The following WDR62 variants were observed in gnomAD, a reference collection of about 807,000 sequenced individuals.
WDR62 encodes WD repeat-containing protein 62.
Under a neutral mutation model 160.6 loss-of-function variants are expected in WDR62, and 112 were observed. That is an observed-to-expected ratio of 0.70 (90% CI 0.60 to 0.82). WDR62 has a LOEUF of 0.82. Ranked by LOEUF, WDR62 falls within the 40% of genes least tolerant of loss-of-function variation. The probability of loss-of-function intolerance (pLI) is 0.00; values close to 1 mark genes in which losing one functional copy is unlikely to be tolerated. For missense variants in WDR62, 1,819 were observed against 1,983.8 expected (o/e 0.92, Z 1.58); for synonymous variants, 792 against 815.1 (o/e 0.97, Z 0.48).
chr19:36,092,607 G>C, intron 18 of WDR62, 82 bp from the exon 19 acceptor site: 1 of 1,581,796 alleles, frequency 6.3e-7, no homozygotes, highest in Non-Finnish European at 8.7e-7. Context: ...GCTGTGGTGT[G>C]GGTGGCTTCA....
rs2145528248 is a variant in WDR62 at position 36,059,987 on chromosome 19, G to A, written c.289G>A (p.Asp97Asn). 6.2e-7 allele frequency: 1 copy of A among 1,614,152 alleles called. No homozygotes were observed. Among genetic ancestry groups the A allele is most frequent in the East Asian group, 2.2e-5 (1 of 44,878 alleles). ...TCCCAGCTGTGTGGTGGTGATTTTG[G>A]ACCCCAAGGAGAACAAGCAGCAGCA... ...YLAGCVVVIL[D>N]PKENKQQHIF... The change falls in exon 3 of 32, where the codon GAC (aspartate) becomes AAC (asparagine). Residue 97 changes from aspartate (D) to asparagine (N), a missense_variant. Physicochemically the swap from Asp to Asn is conservative, Grantham distance 23. Transcript: ENST00000401500.
chr19:36,106,531 T>C (rs1045775420), downstream of WDR62, among the ~76,000 whole-genome samples: 1 of 152,120 alleles, frequency 6.6e-6, no homozygotes. Flanking sequence ...GGGAGATCCA[T>C]TGCTGGTGAA....
chr19:36,080,079 C>T (rs1202946724), intron 9 of WDR62, among the ~76,000 whole-genome samples: 1 of 151,846 alleles, frequency 6.6e-6, no homozygotes, highest in African/African-American at 2.4e-5. Flanking sequence ...TCAGTTATAT[C>T]TAATCTTTGG....
chr19:36,072,129 A>C (rs1301363331), intron 8 of WDR62, among the ~76,000 whole-genome samples: 1 of 152,178 alleles, frequency 6.6e-6, no homozygotes, highest in African/African-American at 2.4e-5. Context: ...CAGTATAGCA[A>C]GGGGGCTCGA....
At chr19:36,099,272 T>C (rs1452951053) in intron 21 of WDR62, 127 bp from the exon 22 acceptor site, 8 of 713,394 alleles carry the variant, frequency 1.1e-5, no homozygotes, top group Non-Finnish European at 1.7e-5. Context: ...TGGAGATATG[T>C]ACCTGGAAGT....
At position 36,089,111 on chromosome 19, in the gene WDR62, G is replaced by T. The variant is rs1972431255; in HGVS notation, c.1836+6G>T. 3 of 1,614,084 alleles carry T rather than the reference G, an allele frequency of 1.9e-6. No homozygotes were observed. The highest frequency in any genetic ancestry group is 2.5e-6 in the Non-Finnish European group (3 of 1,180,020). On this transcript the variant is annotated splice_donor_region_variant and intron_variant, in intron 14 of 31. Transcript: ENST00000401500. ...ACTTTCGCAGTGCCCAGCAGGTAGG[G>T]TGGCATGGCCTCCTTGGGGGCTGGG...
Position 36,081,417 on chromosome 19 carries a change from C to T in WDR62, c.1234-16C>T, listed in dbSNP as rs1183771578. The T allele has an allele frequency of 3.7e-6, 6 of 1,613,134 alleles. No homozygotes were observed. Among genetic ancestry groups the T allele is most frequent in the Non-Finnish European group, 3.4e-6 (4 of 1,179,916 alleles). ...GTCATTGAGTCATCCTTTGCCTTGT[C>T]CTCTGGGAACTGTAGGTGTATCCTG... On this transcript the variant is annotated splice_polypyrimidine_tract_variant and intron_variant, in intron 9 of 31. Transcript: ENST00000401500.
chr19:36,080,134 G>A (rs1971807834), intron 9 of WDR62, among the ~76,000 whole-genome samples: 1 of 150,686 alleles, frequency 6.6e-6, no homozygotes. Context: ...TTGAGACGGA[G>A]TCTCCCTCTG....
Position 36,073,542 on chromosome 19 carries a change from C to T in WDR62, c.1233+11C>T. ...GTTTGGAACGTGGAGGTGAGCCCCCCCCCCACCCCCTTGCCCCTGCTTGGC... is the reference window on the plus strand; with the variant it reads ...GTTTGGAACGTGGAGGTGAGCCCCCTCCCCACCCCCTTGCCCCTGCTTGGC... On this transcript the variant is annotated intron_variant, in intron 9 of 31. Transcript: ENST00000401500. The T allele has an allele frequency of 1.5e-6, 2 of 1,331,106 alleles. No individual in the cohort carries two copies. The highest frequency in any genetic ancestry group is 2.1e-6 in the Non-Finnish European group (2 of 944,888). 82.5% of individuals were successfully genotyped at this position (1,331,106 alleles called of 1,614,324 possible).
At chr19:36,055,290 C>T (rs1568561120) in intron 1 of WDR62, 142 bp downstream of exon 1, 4 of 850,108 alleles carry the variant, frequency 4.7e-6, no homozygotes, top group South Asian at 1.6e-5. Flanking sequence ...CCCTAACCCC[C>T]GCCCCTTTAG....
chr19:36,094,790 A>G (rs1972859150), intron 20 of WDR62, among the ~76,000 whole-genome samples: 1 of 151,474 alleles, frequency 6.6e-6, no homozygotes, highest in East Asian at 2.0e-4. Context: ...TCCCAACTAC[A>G]TGGGAGGCTG....
At chr19:36,107,774 TC>T (rs1973741318), downstream of WDR62, among the ~76,000 whole-genome samples, 1 of 151,976 alleles carries the variant, frequency 6.6e-6, no homozygotes, top group Non-Finnish European at 1.5e-5. Flanking sequence ...ACTTCCCTCT[TC>T]CAAATGCCAG....
chr19:36,066,431 A>G lies in WDR62; in HGVS notation c.561+4A>G. 1 of 1,588,892 alleles carries G rather than the reference A, an allele frequency of 6.3e-7. No individual in the cohort carries two copies. Among genetic ancestry groups the G allele is most frequent in the Non-Finnish European group, 8.6e-7 (1 of 1,168,096 alleles). On this transcript the variant is annotated splice_donor_region_variant and intron_variant, in intron 5 of 31. Coordinates refer to ENST00000401500, the MANE Select transcript of WDR62 (RefSeq NM_001083961.2). ...GCTCAACGTCTGGGACTGGAAGGTAAGAGCCGACCAGCAGGCCTGTGGCAG... is the reference window on the plus strand; with the variant it reads ...GCTCAACGTCTGGGACTGGAAGGTAGGAGCCGACCAGCAGGCCTGTGGCAG...
chr19:36,086,433 G>A (rs1972235292), intron 12 of WDR62, among the ~76,000 whole-genome samples: 1 of 152,132 alleles, frequency 6.6e-6, no homozygotes, highest in South Asian at 2.1e-4. Context: ...CCCTGGAGGA[G>A]CGTCCATGCG....
At chr19:36,096,243 C>T (rs1180452210) in intron 20 of WDR62, among the ~76,000 whole-genome samples, 3 of 152,030 alleles carry the variant, frequency 2.0e-5, no homozygotes, top group East Asian at 1.9e-4. Flanking sequence ...GGCTCAAGCT[C>T]CCACACCCAG....
At chr19:36,068,289 C>T (rs1241740378) in intron 7 of WDR62, among the ~76,000 whole-genome samples, 1 of 152,212 alleles carries the variant, frequency 6.6e-6, no homozygotes, top group African/African-American at 2.4e-5. Context: ...TTTCCCATGA[C>T]TATTTGATCT....
chr19:36,058,904 T>G, intron 2 of WDR62, 33 bp downstream of exon 2: 1 of 1,570,402 alleles, frequency 6.4e-7, no homozygotes, highest in Non-Finnish European at 8.8e-7. Flanking sequence ...GTCTAATCAT[T>G]GCTAGGGAAT....
chr19:36,076,473 G>T (rs1172623907), intron 9 of WDR62, among the ~76,000 whole-genome samples: 1 of 151,648 alleles, frequency 6.6e-6, no homozygotes, highest in Non-Finnish European at 1.5e-5. Flanking sequence ...CATGAGAATT[G>T]CTTGAACCCG....
At position 36,089,207 on chromosome 19, in the gene WDR62, T is replaced by C; in HGVS notation, c.1859T>C (p.Val620Ala). The C allele has an allele frequency of 5.0e-6, 8 of 1,614,186 alleles. No individual in the cohort carries two copies. The highest frequency in any genetic ancestry group is 6.8e-6 in the Non-Finnish European group (8 of 1,180,020). The change falls in exon 15 of 32, where the codon GTC becomes GCC. Residue 620 changes from valine to alanine, a missense_variant. Transcript: ENST00000401500. ...AQQGSDGLHF[V>A]RTHHVAEKTT... ...CAGGGTTCGGATGGACTACACTTTG[T>C]CCGTACCCACCACGTAGCAGAGAAA...
Sources: allele counts gnomAD v4.1 joint callset (sites outside exome capture counted in the v4.1 genomes callset), GRCh38; gene constraint gnomAD v4.1.1; transcripts MANE v1.5; gene names NCBI Gene and HGNC (gene_info 2026-07-23, HGNC 2026-07-21).